The following MPPED1 variants were observed in gnomAD, a reference collection of about 807,000 sequenced individuals.
MPPED1 encodes metallophosphoesterase domain containing 1.
In MPPED1, 16 loss-of-function variants were observed where a neutral mutation model predicts 36.2. The ratio of observed to expected loss-of-function variants is 0.44; its 90% CI spans 0.30 to 0.67. The LOEUF (loss-of-function observed/expected upper bound fraction) is 0.67, where lower values mean the gene tolerates loss of function less well. MPPED1 is among the 30% of genes least tolerant of loss of function. The probability of loss-of-function intolerance (pLI) is 0.10; values close to 1 mark genes in which losing one functional copy is unlikely to be tolerated. For missense variants in MPPED1, 307 were observed against 453.4 expected (o/e 0.68, Z 2.93); for synonymous variants, 199 against 191.3 (o/e 1.04, Z -0.33).
chr22:43,440,619 G>C (rs751876202), intron 3 of MPPED1, among the ~76,000 whole-genome samples: 27 of 152,304 alleles, frequency 1.8e-4, no homozygotes, highest in Non-Finnish European at 1.3e-4. Flanking sequence ...CAAGATGCCA[G>C]AAAGTTCCCT....
Position 43,433,016 on chromosome 22 carries a change from G to A in MPPED1, c.225-2018G>A, listed in dbSNP as rs113149510. ...TGGCTCACTTGAATTCCTGTGCCAG[G>A]CCAGTAGCCCAGTAGCAATTGGCTG... On this transcript the variant is annotated intron_variant, in intron 2 of 6. Transcript: ENST00000443721. Among the ~76,000 whole-genome samples, 728 of 152,156 alleles carry A rather than the reference G, an allele frequency of 4.8e-3. 15 individuals are homozygous for A. Among genetic ancestry groups the A allele is most frequent in the African/African-American group, 0.017 (688 of 41,464 alleles).
rs1301823741 is a variant in MPPED1, at chr22:43,502,326, A to C, written c.749-318A>C. ...CGGATGCCACCCTTGAGGCCACTCG[A>C]GCACAGATGGTCTGGGGGGCGCCAG... On this transcript the variant is annotated intron_variant, in intron 5 of 6. Transcript: ENST00000443721. The surrounding 1 kb of genome is among the most constrained non-coding windows in gnomAD (Gnocchi z 5.5). Among the ~76,000 whole-genome samples, 1 of 152,064 alleles carries C rather than the reference A, an allele frequency of 6.6e-6. No individual in the cohort carries two copies. The highest frequency in any genetic ancestry group is 1.5e-5 in the Non-Finnish European group (1 of 67,994).
At chr22:43,459,662 T>C (rs1223095381) in intron 3 of MPPED1, among the ~76,000 whole-genome samples, 1 of 152,230 alleles carries the variant, frequency 6.6e-6, no homozygotes, top group Admixed American at 6.5e-5. Flanking sequence ...AACTCCAGAA[T>C]TGGATTCTTT....
intron 3 of MPPED1, among the ~76,000 whole-genome samples, chr22:43,440,949 C>G (rs1412896014): frequency 1.3e-5 from 2 of 152,134 alleles, no homozygotes; most frequent in Non-Finnish European, 2.9e-5. Context: ...TCCCCTCCTG[C>G]CCACTGAAGG....
chr22:43,415,801 A>T (rs143556138), intron 1 of MPPED1, among the ~76,000 whole-genome samples: 1,555 of 152,310 alleles, frequency 0.01, 18 homozygotes, highest in Non-Finnish European at 0.015. Context: ...GTTTCTATAA[A>T]ATGTGACTTG....
Position 43,434,385 on chromosome 22 carries a change from G to A in MPPED1, c.225-649G>A, listed in dbSNP as rs1484780842. Reference sequence around the variant, plus strand: ...ACATTCTCCTGAAACTCCCCCTCCCGTGCTGCTGTCCTGCGACGGCGGACG... The same window carrying A: ...ACATTCTCCTGAAACTCCCCCTCCCATGCTGCTGTCCTGCGACGGCGGACG... On this transcript the variant is annotated intron_variant, in intron 2 of 6. Transcript: ENST00000443721. 2.0e-5 allele frequency among the ~76,000 whole-genome samples: 3 copies of A among 152,012 alleles called. No individual in the cohort carries two copies. The East Asian group carries it at 5.8e-4, about 29-fold the overall frequency.
intron 4 of MPPED1, among the ~76,000 whole-genome samples, chr22:43,477,616 G>A (rs1462316002): frequency 3.3e-5 from 5 of 152,146 alleles, no homozygotes; most frequent in Admixed American, 6.5e-5. Flanking sequence ...ATCTTGCCAC[G>A]GCCTCCTCAT....
At chr22:43,471,716 T>C (rs988612459) in intron 3 of MPPED1, among the ~76,000 whole-genome samples, 5 of 152,202 alleles carry the variant, frequency 3.3e-5, no homozygotes, top group Admixed American at 6.5e-5. Context: ...GTACCATGCC[T>C]GGTCGCACTG....
At chr22:43,417,349 T>A (rs1929109186) in intron 1 of MPPED1, among the ~76,000 whole-genome samples, 1 of 151,940 alleles carries the variant, frequency 6.6e-6, no homozygotes. Context: ...GGGAAGGAGA[T>A]CAAACACAAA....
At chr22:43,497,953 T>TATATA (rs1932484622) in intron 4 of MPPED1, among the ~76,000 whole-genome samples, 1 of 47,024 alleles carries the variant, frequency 2.1e-5, no homozygotes, top group African/African-American at 2.3e-4. Context: ...ATATATGTAT[T>TATATA]TAGCTTTCTT....
chr22:43,416,060 T>C (rs984983397), intron 1 of MPPED1, among the ~76,000 whole-genome samples: 2 of 152,228 alleles, frequency 1.3e-5, no homozygotes, highest in African/African-American at 4.8e-5. Flanking sequence ...AGAAATGTAA[T>C]CCCTTCCTGC....
At chr22:43,458,494 C>T (rs1288888293) in intron 3 of MPPED1, among the ~76,000 whole-genome samples, 1 of 152,102 alleles carries the variant, frequency 6.6e-6, no homozygotes, top group African/African-American at 2.4e-5. Flanking sequence ...CCATGTTGGC[C>T]AGTCTGGTCT....
chr22:43,448,634 G>A (rs1055531047), intron 3 of MPPED1, among the ~76,000 whole-genome samples: 17 of 150,506 alleles, frequency 1.1e-4, no homozygotes, highest in East Asian at 3.9e-4. Flanking sequence ...ACAGAGTCTC[G>A]CTCTGTCACC....
intron 2 of MPPED1, among the ~76,000 whole-genome samples, chr22:43,431,278 A>G (rs144667967): frequency 0.031 from 4,663 of 151,724 alleles, 177 homozygotes; most frequent in African/African-American, 0.096. Context: ...CCTGACCTCA[A>G]GTGATCCACC....
intron 5 of MPPED1, among the ~76,000 whole-genome samples, chr22:43,499,275 A>G (rs1196002547): frequency 4.0e-5 from 4 of 100,348 alleles, no homozygotes; most frequent in South Asian, 3.9e-4. Context: ...GGTGATGGTG[A>G]TGGGGGTGGT....
intron 3 of MPPED1, among the ~76,000 whole-genome samples, chr22:43,462,145 T>A (rs1333479515): frequency 6.6e-6 from 1 of 152,224 alleles, no homozygotes; most frequent in East Asian, 1.9e-4. Flanking sequence ...TGGCCCAGTT[T>A]GCTTTTGTTG....
chr22:43,482,000 G>A (rs1931763284), intron 4 of MPPED1, among the ~76,000 whole-genome samples: 1 of 152,222 alleles, frequency 6.6e-6, no homozygotes, highest in Non-Finnish European at 1.5e-5. Context: ...CCAGGGCTCA[G>A]GGAGGCCGTT....
chr22:43,449,243 T>C (rs1320491953), intron 3 of MPPED1, among the ~76,000 whole-genome samples: 3 of 152,160 alleles, frequency 2.0e-5, no homozygotes, highest in Non-Finnish European at 2.9e-5. Flanking sequence ...TTTCACGTTG[T>C]TTTCTCACGA....
At chr22:43,439,776 C>A (rs1487598805) in intron 3 of MPPED1, among the ~76,000 whole-genome samples, 1 of 152,220 alleles carries the variant, frequency 6.6e-6, no homozygotes, top group African/African-American at 2.4e-5. Flanking sequence ...GACTCCTCAA[C>A]TTCAACACCA....
Sources: allele counts gnomAD v4.1 joint callset (sites outside exome capture counted in the v4.1 genomes callset), GRCh38; gene constraint gnomAD v4.1.1; non-coding constraint Gnocchi (gnomAD v3.1); transcripts MANE v1.5; gene names NCBI Gene and HGNC (gene_info 2026-07-23, HGNC 2026-07-21).